Variants in MYT1L observed in about 807,000 individuals in gnomAD.
The protein encoded by MYT1L is myelin transcription factor 1 like, also known as myelin transcription factor 1-like protein.
A neutral mutation model predicts 126.7 loss-of-function variants in MYT1L; 12 were observed. The ratio of observed to expected loss-of-function variants is 0.09; its 90% confidence interval spans 0.06 to 0.15. The LOEUF (loss-of-function observed/expected upper bound fraction) is 0.15, where lower values mean the gene tolerates loss of function less well. Among genes scored for constraint, MYT1L ranks in the 10% least tolerant of loss-of-function variants. MYT1L has a pLI of 1.00. For missense variants in MYT1L, 979 were observed against 1,585.2 expected, an observed-to-expected ratio of 0.62 and a Z score of 6.49; for synonymous variants, 541 against 604.2, an observed-to-expected ratio of 0.90 and a Z score of 1.53.
intron 3 of MYT1L, among the ~76,000 whole-genome samples, chr2:2,151,338 G>C (rs1005046806): frequency 3.3e-5 from 5 of 152,264 alleles, no homozygotes; most frequent in African/African-American, 1.2e-4. Context: ...TAGTCAGTCA[G>C]TAAGTACATG....
At chr2:1,908,213 C>A (rs775744802) in intron 13 of MYT1L, among the ~76,000 whole-genome samples, 7 of 152,236 alleles carry the variant, frequency 4.6e-5, no homozygotes, top group African/African-American at 9.6e-5. Flanking sequence ...AGGAGCAGCA[C>A]AGAAGGCTTC....
chr2:1,887,470 A>T lies in MYT1L; in HGVS notation c.2642+18T>A, dbSNP rs773777711. ...GAAGATTAAGAAGATTCATAATTTC[A>T]CCTCACAGCATGCTTACGTTATTAA... On this transcript the variant is annotated intron_variant, in intron 17 of 24. Coordinates refer to ENST00000647738, the MANE Select transcript of MYT1L (RefSeq NM_001303052.2). The surrounding 1 kb of genome is among the most constrained non-coding windows in gnomAD (Gnocchi z 4.8). 12 of 1,613,726 alleles carry T rather than the reference A, an allele frequency of 7.4e-6. No homozygotes were observed. The highest frequency in any genetic ancestry group is 9.3e-6 in the Non-Finnish European group (11 of 1,179,804).
chr2:1,912,773 G>C lies in MYT1L; in HGVS notation c.1619-663C>G, dbSNP rs1410631746. Among the ~76,000 whole-genome samples, 1 of 152,152 alleles carries C rather than the reference G, an allele frequency of 6.6e-6. No homozygotes were observed. Among genetic ancestry groups the C allele is most frequent in the African/African-American group, 2.4e-5 (1 of 41,420 alleles). ...ACAAGCGGGAGAGGCCTCTTGCATG[G>C]ACACCTTTTGTGGTGCAAGGATGCT... On this transcript the variant is annotated intron_variant, in intron 11 of 24. Coordinates refer to ENST00000647738, the MANE Select transcript of MYT1L (RefSeq NM_001303052.2). This position sits in a 1 kb window ranked among gnomAD's most constrained non-coding sequence, Gnocchi z 4.3.
intron 4 of MYT1L, among the ~76,000 whole-genome samples, chr2:2,042,043 G>T (rs1174450655): frequency 3.3e-5 from 5 of 152,162 alleles, no homozygotes. Flanking sequence ...AGTGTCTCCT[G>T]CTTCTTGTAA....
chr2:1,940,781 G>A (rs1452761020), intron 9 of MYT1L, among the ~76,000 whole-genome samples: 2 of 152,232 alleles, frequency 1.3e-5, no homozygotes, highest in African/African-American at 4.8e-5. Flanking sequence ...TCATGGTCCT[G>A]CTACCTCTTC....
intron 3 of MYT1L, among the ~76,000 whole-genome samples, chr2:2,090,944 G>A (rs1030621796): frequency 9.9e-5 from 15 of 152,256 alleles, no homozygotes; most frequent in South Asian, 2.1e-4. Context: ...CAATTCAGTC[G>A]CATCTTTAAA....
chr2:2,111,026 C>T (rs972415640), intron 3 of MYT1L, among the ~76,000 whole-genome samples: 1 of 152,154 alleles, frequency 6.6e-6, no homozygotes, highest in African/African-American at 2.4e-5. Context: ...GGAACGCGGC[C>T]CTGGAGCCAT....
intron 4 of MYT1L, among the ~76,000 whole-genome samples, chr2:2,014,949 T>A (rs1406395037): frequency 3.3e-5 from 5 of 152,130 alleles, no homozygotes; most frequent in Admixed American, 2.0e-4. Context: ...ATATTTGGAC[T>A]TTTTTTTCTC....
intron 3 of MYT1L, among the ~76,000 whole-genome samples, chr2:2,112,332 A>C (rs1168866438): frequency 6.6e-6 from 1 of 152,234 alleles, no homozygotes; most frequent in African/African-American, 2.4e-5. Flanking sequence ...GTTTTTATAA[A>C]AAGCAGTGCT....
At chr2:2,177,662 G>A (rs1432180372) in intron 2 of MYT1L, among the ~76,000 whole-genome samples, 3 of 152,192 alleles carry the variant, frequency 2.0e-5, no homozygotes, top group Non-Finnish European at 4.4e-5. Flanking sequence ...CATGGTGGCA[G>A]GTGAAAGAGA....
At position 1,929,852 on chromosome 2, in the gene MYT1L, G is replaced by C. The variant is rs564357351; in HGVS notation, c.506-6589C>G. The stretch of plus-strand genomic sequence containing the variant: ...CCATTCATACTCCTTCCACAGGGAC[G>C]AGTCTAGAATTGCCATCTTGGTTTT... On this transcript the variant is annotated intron_variant, in intron 9 of 24. Transcript: ENST00000647738. The surrounding 1 kb of genome is among the most constrained non-coding windows in gnomAD (Gnocchi z 4.7). Among the ~76,000 whole-genome samples the C allele has an allele frequency of 5.3e-5, 8 of 152,300 alleles. No individual in the cohort carries two copies. In the South Asian group the frequency reaches 1.5e-3, roughly 28 times the overall value.
intron 2 of MYT1L, among the ~76,000 whole-genome samples, chr2:2,263,750 C>T: frequency 6.6e-6 from 1 of 152,142 alleles, no homozygotes; most frequent in East Asian, 1.9e-4. Flanking sequence ...TCAGACGCTC[C>T]TGGCATCTGG....
chr2:1,946,537 G>C (rs1198243233), intron 8 of MYT1L, among the ~76,000 whole-genome samples: 1 of 152,016 alleles, frequency 6.6e-6, no homozygotes, highest in African/African-American at 2.4e-5. Flanking sequence ...CAATTTGGAT[G>C]CCACTTTTTA....
At chr2:2,226,669 C>T (rs1448381120) in intron 2 of MYT1L, among the ~76,000 whole-genome samples, 1 of 152,170 alleles carries the variant, frequency 6.6e-6, no homozygotes, top group Non-Finnish European at 1.5e-5. Flanking sequence ...TGACCTCTAT[C>T]AACTCATCCA....
intron 4 of MYT1L, among the ~76,000 whole-genome samples, chr2:2,045,650 C>G (rs1476373126): frequency 1.3e-5 from 2 of 152,204 alleles, no homozygotes; most frequent in Non-Finnish European, 2.9e-5. Context: ...ATTTCCCTAT[C>G]CTCTGCTCAT....
Position 1,889,974 on chromosome 2 carries a change from AT to A in MYT1L, c.2284-498del, listed in dbSNP as rs1304430157. Among the ~76,000 whole-genome samples, 1 of 152,140 alleles carries A rather than the reference AT, an allele frequency of 6.6e-6. No homozygotes were observed. Among genetic ancestry groups the A allele is most frequent in the African/African-American group, 2.4e-5 (1 of 41,428 alleles). On this transcript the variant is annotated intron_variant, in intron 15 of 24. Transcript: ENST00000647738. This position sits in a 1 kb window ranked among gnomAD's most constrained non-coding sequence, Gnocchi z 4.1. The stretch of plus-strand genomic sequence containing the variant: ...AGCTTAAAAATTCTCTTTTTTATTG[AT>A]GCTAATAGTTCAAGAATTAGGGAGG...
At chr2:1,803,747 G>A (rs986143465) in intron 22 of MYT1L, among the ~76,000 whole-genome samples, 14 of 152,208 alleles carry the variant, frequency 9.2e-5, no homozygotes, top group African/African-American at 3.4e-4. Flanking sequence ...CTGCGGCTCT[G>A]TGCAGCATGC....
rs73913213 is a variant in MYT1L at position 2,144,167 on chromosome 2, T to C, written c.-304+28705A>G. Reference sequence around the variant, plus strand: ...AAAACCAATGTGCGTTGGTTGCACCTGCACCTGGGAGGTTAGGCCGTCAGG... The same window carrying C: ...AAAACCAATGTGCGTTGGTTGCACCCGCACCTGGGAGGTTAGGCCGTCAGG... On this transcript the variant is annotated intron_variant, in intron 3 of 24. Coordinates refer to ENST00000647738, the MANE Select transcript of MYT1L (RefSeq NM_001303052.2). Among the ~76,000 whole-genome samples, 1,331 of 152,264 alleles carry C rather than the reference T, an allele frequency of 8.7e-3. 21 individuals carry two copies. The highest frequency in any genetic ancestry group is 0.027 in the African/African-American group (1,108 of 41,550).
intron 1 of MYT1L, among the ~76,000 whole-genome samples, chr2:2,294,629 T>C (rs1186047759): frequency 6.6e-6 from 1 of 152,102 alleles, no homozygotes; most frequent in Admixed American, 6.6e-5. Flanking sequence ...AGACCAAAAC[T>C]GAGTTAAATC....
Sources: gnomAD v4.1 joint callset for allele counts (sites outside exome capture counted in the v4.1 genomes callset) on GRCh38, gnomAD v4.1.1 for gene constraint, Gnocchi (gnomAD v3.1) non-coding constraint, MANE v1.5 for transcripts, NCBI Gene and HGNC (gene_info 2026-07-23, HGNC 2026-07-21) for gene names.